The following SSR1 variants were observed in gnomAD, a reference collection of about 807,000 sequenced individuals.
The protein encoded by SSR1 is translocon-associated protein subunit alpha.
A neutral mutation model predicts 36.1 loss-of-function variants in SSR1; 13 were observed. The ratio of observed to expected loss-of-function variants is 0.36; its 90% CI spans 0.23 to 0.57. The LOEUF is 0.57. Among genes scored for constraint, SSR1 ranks in the 20% least tolerant of loss-of-function variants. SSR1 has a pLI of 0.81. For synonymous variants in SSR1, 113 were observed against 118.9 expected (o/e 0.95, Z 0.32); for missense variants, 291 against 338.5 (o/e 0.86, Z 1.10).
At chr6:7,312,986 G>C in intron 1 of SSR1, 56 bp downstream of exon 1, 1 of 1,533,488 alleles carries the variant, frequency 6.5e-7, no homozygotes, top group Non-Finnish European at 8.8e-7. Context: ...CTTCAAACTT[G>C]CCATCACTGG....
chr6:7,300,523 CTA>C (rs773958469), intron 4 of SSR1, among the ~76,000 whole-genome samples: 6 of 152,242 alleles, frequency 3.9e-5, no homozygotes, highest in South Asian at 2.1e-4. Flanking sequence ...TCTATTTTAT[CTA>C]TGAGTACATA....
At chr6:7,304,430 C>T (rs888041782) in intron 2 of SSR1, among the ~76,000 whole-genome samples, 1 of 152,110 alleles carries the variant, frequency 6.6e-6, no homozygotes, top group Non-Finnish European at 1.5e-5. Context: ...CCTCTGCTCT[C>T]AAGTACCTTG....
intron 2 of SSR1, among the ~76,000 whole-genome samples, chr6:7,309,647 C>A (rs1024727588): frequency 1.3e-5 from 2 of 152,180 alleles, no homozygotes; most frequent in African/African-American, 4.8e-5. Flanking sequence ...TGAGTTCTCA[C>A]AAGATCTGAT....
At chr6:7,309,526 A>G (rs9328406) in intron 2 of SSR1, among the ~76,000 whole-genome samples, 46,311 of 152,118 alleles carry the variant, frequency 0.3, 7,833 homozygotes, top group African/African-American at 0.46. Flanking sequence ...TGTGTCCCCA[A>G]CCAAATCTCA....
rs1287081819 is a variant in SSR1, at chr6:7,282,630, G to A, written c.*7234C>T. 1 of 152,214 alleles carries A rather than the reference G, an allele frequency of 6.6e-6. No individual in the cohort carries two copies. The highest frequency in any genetic ancestry group is 2.4e-5 in the African/African-American group (1 of 41,454). 9.4% of individuals were successfully genotyped at this position (152,214 alleles called of 1,614,324 possible). ...TGGTTCCTGAAATGAGTATTTCTAG[G>A]CAGGGGGCTTCAGTATAAACCAGAT... On this transcript the variant is annotated 3_prime_UTR_variant, in exon 8 of 8. Transcript: ENST00000244763.
intron 1 of SSR1, 89 bp from the exon 2 acceptor site, chr6:7,310,118 C>G: frequency 1.1e-6 from 1 of 878,242 alleles, no homozygotes; most frequent in Non-Finnish European, 1.8e-6. Context: ...AAAAAAACTT[C>G]CCTTGGACTA....
chr6:7,313,121 G>C lies in SSR1; in HGVS notation c.-1C>G. On this transcript the variant is annotated 5_prime_UTR_variant, in exon 1 of 8. Coordinates refer to ENST00000244763, the MANE Select transcript of SSR1 (RefSeq NM_003144.5). ...GCAGCAAGCGGGGGAGGAGTCTCAT[G>C]GCGCTGCCGGTCCAGTGTCCAGTTT... The C allele has an allele frequency of 6.2e-7, 1 of 1,603,360 alleles. No homozygotes were observed. Among genetic ancestry groups the C allele is most frequent in the South Asian group, 1.1e-5 (1 of 89,874 alleles).
intron 7 of SSR1, chr6:7,294,975 T>C: frequency 1.1e-6 from 1 of 927,208 alleles, no homozygotes; most frequent in Non-Finnish European, 1.5e-6. Flanking sequence ...TCTAATAAAA[T>C]GTAGTAAGAA....
At chr6:7,294,136 A>T (rs1417563968) in intron 7 of SSR1, among the ~76,000 whole-genome samples, 1 of 152,166 alleles carries the variant, frequency 6.6e-6, no homozygotes, top group Non-Finnish European at 1.5e-5. Flanking sequence ...TGAAAAAATA[A>T]AAGTAACCAA....
At chr6:7,306,662 A>C (rs981406043) in intron 2 of SSR1, among the ~76,000 whole-genome samples, 3 of 151,164 alleles carry the variant, frequency 2.0e-5, no homozygotes, top group South Asian at 2.1e-4. Context: ...CATGCCTGTA[A>C]TCCCAGCACT....
At chr6:7,309,781 A>G in intron 2 of SSR1, 136 bp downstream of exon 2, 1 of 737,194 alleles carries the variant, frequency 1.4e-6, no homozygotes, top group South Asian at 1.5e-5. Context: ...CTCCCCAGTC[A>G]TGCTGAACTG....
At position 7,297,998 on chromosome 6, in the gene SSR1, G is replaced by A. The variant is rs1333989721; in HGVS notation, c.624C>T (p.Ile208=). The A allele has an allele frequency of 4.3e-6, 7 of 1,612,124 alleles. No individual in the cohort carries two copies. The highest frequency in any genetic ancestry group is 5.9e-6 in the Non-Finnish European group (7 of 1,178,882). The part of the protein sequence containing the change: ...EREDGLDGET[I]FMYMFLAGLG... ...GACCAGCAAGGAACATATACATAAA[G>A]ATTCTGGTACAAAAGGAGAAAATAT... The change falls in exon 6 of 8, where the codon ATC becomes ATT. Residue 208 remains isoleucine, a synonymous_variant. Coordinates refer to ENST00000244763, the MANE Select transcript of SSR1 (RefSeq NM_003144.5).
intron 7 of SSR1, among the ~76,000 whole-genome samples, chr6:7,290,347 A>G (rs780239647): frequency 7.3e-4 from 111 of 152,386 alleles, no homozygotes; most frequent in Non-Finnish European, 1.4e-3. Context: ...AATAAGCAGC[A>G]GAATAAAGGA....
At chr6:7,295,265 C>A (rs1171831022) in intron 7 of SSR1, 127 bp downstream of exon 7, 5 of 1,076,336 alleles carry the variant, frequency 4.6e-6, no homozygotes, top group Non-Finnish European at 6.6e-6. Context: ...ATACTAGATT[C>A]TACACAAGTA....
chr6:7,302,378 G>A (rs1757955712), intron 3 of SSR1, among the ~76,000 whole-genome samples: 1 of 152,156 alleles, frequency 6.6e-6, no homozygotes, highest in Admixed American at 6.5e-5. Flanking sequence ...CAATGACTAC[G>A]CTCAGTGGGT....
intron 2 of SSR1, among the ~76,000 whole-genome samples, chr6:7,308,748 C>A (rs1193740256): frequency 1.5e-5 from 2 of 135,244 alleles, no homozygotes; most frequent in Non-Finnish European, 3.2e-5. Flanking sequence ...ATAACTGCCC[C>A]AAAAAAAAGT....
rs1231363949 is a variant in SSR1, at chr6:7,313,042, C to T, written c.79G>A (p.Gly27Ser). Reference sequence around the variant, plus strand: ...CCTCCGCACACTCCCCCAGCCTCACCTCTGGGGCCGCCTCGGAACAAGACA... The same window carrying T: ...CCTCCGCACACTCCCCCAGCCTCACTTCTGGGGCCGCCTCGGAACAAGACA... ...ATVLFRGGPRGLLAVAQDLTE... is the reference protein window; with the variant it reads ...ATVLFRGGPRSLLAVAQDLTE... Residue 27 changes from glycine to serine, a missense_variant and splice_region_variant, in exon 1 of 8, where the codon GGC becomes AGC. Transcript: ENST00000244763. 2 of 1,602,374 alleles carry T rather than the reference C, an allele frequency of 1.2e-6. No homozygotes were observed. The highest frequency in any genetic ancestry group is 2.7e-5 in the African/African-American group (2 of 74,530).
In SSR1 at chr6:7,286,685, G is replaced by C. The variant is rs1046399448; in HGVS notation, c.*3179C>G. On this transcript the variant is annotated 3_prime_UTR_variant, in exon 8 of 8. Coordinates refer to ENST00000244763, the MANE Select transcript of SSR1 (RefSeq NM_003144.5). ...AGCACACTTTGGGAGGCCAAGGCAG[G>C]CGTATCACCTGTGGTCAGGAGTTCA... The C allele has an allele frequency of 2.0e-5, 3 of 152,184 alleles. No homozygotes were observed. The highest frequency in any genetic ancestry group is 4.4e-5 in the Non-Finnish European group (3 of 68,044). 9.4% of individuals were successfully genotyped at this position (152,184 alleles called of 1,614,324 possible). A position where few individuals can be genotyped will look rare whatever the true frequency, so the allele number is the denominator to read the frequency against.
At chr6:7,291,735 G>A (rs1279724033) in intron 7 of SSR1, among the ~76,000 whole-genome samples, 1 of 152,152 alleles carries the variant, frequency 6.6e-6, no homozygotes, top group Non-Finnish European at 1.5e-5. Flanking sequence ...GATTCAAAAA[G>A]TACTCTAGGA....
Sources: gnomAD v4.1 joint callset for allele counts (sites outside exome capture counted in the v4.1 genomes callset) on GRCh38, gnomAD v4.1.1 for gene constraint, MANE v1.5 for transcripts, NCBI Gene and HGNC (gene_info 2026-07-23, HGNC 2026-07-21) for gene names.